The following KCNH6 variants were observed in gnomAD, a reference collection of about 807,000 sequenced individuals.
KCNH6 encodes potassium voltage-gated channel subfamily H member 6.
KCNH6 carries 81 observed loss-of-function variants against 83.4 expected under a neutral mutation model. The ratio of observed to expected loss-of-function variants is 0.97; its 90% CI spans 0.81 to 1.17. KCNH6 has a LOEUF of 1.17. KCNH6 is among the 50% of genes most tolerant of loss of function. The pLI, the probability that KCNH6 is intolerant of heterozygous loss-of-function variation, is 0.00. For synonymous variants in KCNH6, 503 were observed against 545.6 expected, an observed-to-expected ratio of 0.92 and a Z score of 1.09; for missense variants, 1,203 against 1,290.5, an observed-to-expected ratio of 0.93 and a Z score of 1.04.
At chr17:63,532,796 C>T (rs948834049) in intron 4 of KCNH6, among the ~76,000 whole-genome samples, 2 of 152,154 alleles carry the variant, frequency 1.3e-5, no homozygotes, top group African/African-American at 2.4e-5. Flanking sequence ...AACACCCCTC[C>T]GGCTCCATCC....
chr17:63,532,274 G>A (rs1179577195), intron 4 of KCNH6, among the ~76,000 whole-genome samples: 1 of 152,352 alleles, frequency 6.6e-6, no homozygotes, highest in Admixed American at 6.5e-5. Flanking sequence ...GGTCCTAGCA[G>A]CCCTCAGGAG....
chr17:63,543,027 G>T (rs1358952595), intron 9 of KCNH6, among the ~76,000 whole-genome samples: 1 of 152,264 alleles, frequency 6.6e-6, no homozygotes, highest in South Asian at 2.1e-4. Context: ...TTGCTAAGGA[G>T]TGGGACAGCC....
rs575070459 is a variant in KCNH6 at position 63,538,332 on chromosome 17, G to A, written c.1701+68G>A. On this transcript the variant is annotated intron_variant, in intron 7 of 12. Transcript: ENST00000314672. The surrounding 1 kb of genome is among the most constrained non-coding windows in gnomAD (Gnocchi z 4.0). ...AGCCAAGATCCTGCGGGGGCGGGGC[G>A]TCCCCAGAGCCCTCACCACCCTCTC... is the stretch of plus-strand genomic sequence containing the variant. The A allele has an allele frequency of 5.4e-5, 86 of 1,606,840 alleles. 1 individual carries two copies. The South Asian group carries it at 8.8e-4, about 16-fold the overall frequency.
intron 9 of KCNH6, among the ~76,000 whole-genome samples, chr17:63,543,362 A>C (rs1241419186): frequency 1.3e-5 from 2 of 151,706 alleles, no homozygotes; most frequent in African/African-American, 4.8e-5. Context: ...TCAGGTGGCC[A>C]GAATGCCCAG....
chr17:63,547,262 T>C (rs1033630705), downstream of KCNH6, among the ~76,000 whole-genome samples: 3 of 152,186 alleles, frequency 2.0e-5, no homozygotes, highest in African/African-American at 7.2e-5. Context: ...CCAGGTGTAG[T>C]GGCTCATGCC....
In KCNH6 at chr17:63,535,594, G is replaced by C; in HGVS notation, c.1102-75G>C. ...AATGAGTATGTGGTTGTATGCATGAGTGAACAAAAGCAGGCCTGACTGCAC... is the reference window on the plus strand; with the variant it reads ...AATGAGTATGTGGTTGTATGCATGACTGAACAAAAGCAGGCCTGACTGCAC... On this transcript the variant is annotated intron_variant, in intron 5 of 12. Transcript: ENST00000314672. The surrounding 1 kb of genome is among the most constrained non-coding windows in gnomAD (Gnocchi z 4.9). 3.5e-6 allele frequency: 5 copies of C among 1,408,928 alleles called. No individual in the cohort carries two copies. The highest frequency in any genetic ancestry group is 4.8e-6 in the Non-Finnish European group (5 of 1,036,038). 87.3% of individuals were successfully genotyped at this position (1,408,928 alleles called of 1,614,324 possible).
At chr17:63,540,357 AG>A (rs1387512721) in intron 8 of KCNH6, among the ~76,000 whole-genome samples, 1 of 152,110 alleles carries the variant, frequency 6.6e-6, no homozygotes, top group East Asian at 1.9e-4. Context: ...GCTTGAACCC[AG>A]GAGGTGGAAA....
rs149994424 is a variant in KCNH6 at position 63,544,075 on chromosome 17, G to A, written c.2234-174G>A. On this transcript the variant is annotated intron_variant, in intron 10 of 12. Transcript: ENST00000314672. ...GGCTACAGCCTCCTGGGTCCTGGGA[G>A]CCAGAACTCCATGGGGGCAGGACCT... 2.1e-5 allele frequency: 33 copies of A among 1,608,872 alleles called. No individual in the cohort carries two copies. The African/African-American group carries it at 4.3e-4, about 21-fold the overall frequency.
At chr17:63,540,982 C>T (rs1162363231) in intron 8 of KCNH6, among the ~76,000 whole-genome samples, 9 of 152,208 alleles carry the variant, frequency 5.9e-5, no homozygotes, top group Non-Finnish European at 1.5e-5. Context: ...CTCTCTGCCC[C>T]AGCCACCCCT....
chr17:63,523,808 C>T lies in KCNH6; in HGVS notation c.76+319C>T, dbSNP rs1415778544. Among the ~76,000 whole-genome samples the T allele has an allele frequency of 1.3e-5, 2 of 152,062 alleles. No homozygotes were observed. The highest frequency in any genetic ancestry group is 4.8e-5 in the African/African-American group (2 of 41,376). On this transcript the variant is annotated intron_variant, in intron 1 of 12. Coordinates refer to ENST00000314672, the MANE Select transcript of KCNH6 (RefSeq NM_001278919.2). This position sits in a 1 kb window ranked among gnomAD's most constrained non-coding sequence, Gnocchi z 4.2. ...CCTCATCCGCGTCCTCCAGAGGCTT[C>T]TCTGAGTCCTTCTTTTCCTTCCTTT...
chr17:63,548,531 T>C (rs1337510648), downstream of KCNH6, among the ~76,000 whole-genome samples: 2 of 152,226 alleles, frequency 1.3e-5, no homozygotes, highest in African/African-American at 4.8e-5. Flanking sequence ...CATTTTAAAA[T>C]TAATTTTTGT....
At position 63,524,328 on chromosome 17, in the gene KCNH6, C is replaced by T. The variant is rs2031554832; in HGVS notation, c.266C>T (p.Ala89Val). The T allele has an allele frequency of 6.2e-7, 1 of 1,613,902 alleles. No homozygotes were observed. The highest frequency in any genetic ancestry group is 1.1e-5 in the South Asian group (1 of 91,090). Residue 89 changes from alanine to valine, a missense_variant, in exon 2 of 13, where the codon GCT becomes GTT. Coordinates refer to ENST00000314672, the MANE Select transcript of KCNH6 (RefSeq NM_001278919.2). ...VSRLAQALLGAEECKVDILYY... is the reference protein window; with the variant it reads ...VSRLAQALLGVEECKVDILYY... ...CGCCTAGCGCAGGCCCTGCTGGGGG[C>T]TGAGGAGTGCAAGGTGGACATCCTC...
Position 63,535,151 on chromosome 17 carries a change from T to C in KCNH6, c.1102-518T>C, listed in dbSNP as rs1380351577. ...TACAGACTAGAAGCCAAGTTCATGATGGACCCTGAAGCCCACAGGCAGCAG... is the reference window on the plus strand; with the variant it reads ...TACAGACTAGAAGCCAAGTTCATGACGGACCCTGAAGCCCACAGGCAGCAG... On this transcript the variant is annotated intron_variant, in intron 5 of 12. Transcript: ENST00000314672. The surrounding 1 kb of genome is among the most constrained non-coding windows in gnomAD (Gnocchi z 4.9). 1.3e-5 allele frequency among the ~76,000 whole-genome samples: 2 copies of C among 152,216 alleles called. No homozygotes were observed. The highest frequency in any genetic ancestry group is 4.8e-5 in the African/African-American group (2 of 41,446).
At chr17:63,544,742 T>C (rs2033060468) in intron 11 of KCNH6, among the ~76,000 whole-genome samples, 3 of 152,148 alleles carry the variant, frequency 2.0e-5, no homozygotes, top group Admixed American at 2.0e-4. Flanking sequence ...ATTCTGGCTC[T>C]GTTCCCTACC....
downstream of KCNH6, among the ~76,000 whole-genome samples, chr17:63,548,049 A>G (rs899942722): frequency 6.0e-5 from 9 of 148,954 alleles, no homozygotes; most frequent in African/African-American, 2.2e-4. Flanking sequence ...GCAGATCACG[A>G]GGTCAGGAGA....
rs574008965 is a variant in KCNH6, at chr17:63,536,005, G to A, written c.1438G>A (p.Gly480Ser). 5.6e-6 allele frequency: 9 copies of A among 1,613,718 alleles called. No individual in the cohort carries two copies. The highest frequency in any genetic ancestry group is 4.5e-5 in the East Asian group (2 of 44,890). The change falls in exon 6 of 13, where the codon GGC (glycine) becomes AGC (serine). Residue 480 changes from glycine (G) to serine (S), a missense_variant. Physicochemically the swap from Gly to Ser is moderately conservative, Grantham distance 56. Coordinates refer to ENST00000314672, the MANE Select transcript of KCNH6 (RefSeq NM_001278919.2). The part of the protein sequence containing the change: ...TFSSLTSVGF[G>S]NVSPNTNSEK... The stretch of plus-strand genomic sequence containing the variant: ...CAGCAGCCTCACCAGCGTGGGCTTC[G>A]GCAATGTCTCGCCCAACACCAACTC...
In KCNH6 at chr17:63,545,971, TG is replaced by T; in HGVS notation, c.*71del. ...GTGAGAGTTAAGGATCTTGGGGAGG[TG>T]GCCGGGTGCAGTGGCTCGCCTGTAA... On this transcript the variant is annotated 3_prime_UTR_variant, in exon 13 of 13. Transcript: ENST00000314672. 1 of 1,495,864 alleles carries T rather than the reference TG, an allele frequency of 6.7e-7. No homozygotes were observed. The highest frequency in any genetic ancestry group is 9.1e-7 in the Non-Finnish European group (1 of 1,095,060). The allele number at this position is 1,495,864 out of a possible 1,614,324, so 92.7% of individuals were successfully genotyped here.
chr17:63,523,496 G>C lies in KCNH6; in HGVS notation c.76+7G>C, dbSNP rs138911737. The C allele has an allele frequency of 5.4e-5, 87 of 1,600,656 alleles. No homozygotes were observed. The African/African-American group carries it at 9.8e-4, about 18-fold the overall frequency. On this transcript the variant is annotated splice_region_variant and intron_variant, in intron 1 of 12. Coordinates refer to ENST00000314672, the MANE Select transcript of KCNH6 (RefSeq NM_001278919.2). This position sits in a 1 kb window ranked among gnomAD's most constrained non-coding sequence, Gnocchi z 4.2. Reference sequence around the variant, plus strand: ...CGCAAGTTCGAGGGCCAAAGTGAGTGTGTGTATGTTGGGGCGGGGGGACGA... The same window carrying C: ...CGCAAGTTCGAGGGCCAAAGTGAGTCTGTGTATGTTGGGGCGGGGGGACGA...
chr17:63,548,950 G>T (rs2033198894), downstream of KCNH6: 1 of 151,672 alleles, frequency 6.6e-6, no homozygotes, highest in African/African-American at 2.4e-5. Flanking sequence ...GACAGAGTGA[G>T]ACTCCATCTC....
Sources: allele counts gnomAD v4.1 joint callset (sites outside exome capture counted in the v4.1 genomes callset), GRCh38; gene constraint gnomAD v4.1.1; non-coding constraint Gnocchi (gnomAD v3.1); transcripts MANE v1.5; gene names NCBI Gene and HGNC (gene_info 2026-07-23, HGNC 2026-07-21).